The following NPAS4 variants were observed in gnomAD, a reference collection of about 807,000 sequenced individuals.
The protein encoded by NPAS4 is neuronal PAS domain-containing protein 4.
NPAS4 carries 10 observed loss-of-function variants against 64.0 expected under a neutral mutation model. The observed-to-expected ratio is 0.16, with a 90% CI of 0.10 to 0.26. The LOEUF is 0.26. NPAS4 is among the 10% of genes least tolerant of loss of function. NPAS4 has a pLI of 1.00. For synonymous variants in NPAS4, 441 were observed against 411.7 expected, an observed-to-expected ratio of 1.07 and a Z score of -0.86; for missense variants, 886 against 992.6, an observed-to-expected ratio of 0.89 and a Z score of 1.44.
upstream of NPAS4, among the ~76,000 whole-genome samples, chr11:66,420,610 T>C (rs949538475): frequency 2.6e-5 from 4 of 152,214 alleles, no homozygotes; most frequent in African/African-American, 9.7e-5. Flanking sequence ...CCCCATTCCC[T>C]CAACTCCTCA....
rs1222029595 is a variant in NPAS4 at position 66,421,274 on chromosome 11, C to T, written c.95C>T (p.Ala32Val). ...NLKELLPLAE[A>V]DKVRLSYLHI... Reference sequence around the variant, plus strand: ...AAGGAGCTGCTGCCGCTGGCCGAAGCGGACAAGGTCCGGCTGTCCTACCTG... The same window carrying T: ...AAGGAGCTGCTGCCGCTGGCCGAAGTGGACAAGGTCCGGCTGTCCTACCTG... The change falls in exon 1 of 8, where the codon GCG becomes GTG. Residue 32 changes from alanine to valine, a missense_variant. Ala to Val is a moderately conservative substitution (Grantham distance 64). Around this residue, in one of 3 missense-constraint regions of NPAS4, gnomAD observed 38 missense variants for 80.1 expected, o/e 0.47. Coordinates refer to ENST00000311034, the MANE Select transcript of NPAS4 (RefSeq NM_178864.4). 1 of 1,614,086 alleles carries T rather than the reference C, an allele frequency of 6.2e-7. No homozygotes were observed. Among genetic ancestry groups the T allele is most frequent in the Admixed American group, 1.7e-5 (1 of 60,030 alleles).
At chr11:66,420,591 C>T (rs1856726149), upstream of NPAS4, among the ~76,000 whole-genome samples, 1 of 152,220 alleles carries the variant, frequency 6.6e-6, no homozygotes, top group Non-Finnish European at 1.5e-5. Flanking sequence ...TGTAGACAAC[C>T]CTGTTCTTCC....
the NPAS4 span, among the ~76,000 whole-genome samples, chr11:66,414,606 T>C: frequency 6.6e-6 from 1 of 152,164 alleles, no homozygotes; most frequent in Non-Finnish European, 1.5e-5. Context: ...ATAGATAAAA[T>C]GTTCTGAATG....
the NPAS4 span, among the ~76,000 whole-genome samples, chr11:66,414,999 C>T: frequency 2.0e-5 from 3 of 152,180 alleles, no homozygotes; most frequent in Non-Finnish European, 2.9e-5. Context: ...CTGGAGGCTT[C>T]GGGAGGCCCA....
upstream of NPAS4, among the ~76,000 whole-genome samples, chr11:66,419,679 A>C (rs1856708672): frequency 6.6e-6 from 1 of 150,764 alleles, no homozygotes; most frequent in South Asian, 2.1e-4. Context: ...TGGTGAAAAG[A>C]GAAAAAAAGC....
chr11:66,423,273 G>T, intron 5 of NPAS4, 41 bp downstream of exon 5: 1 of 1,321,780 alleles, frequency 7.6e-7, no homozygotes. Flanking sequence ...AGCAAGCTGG[G>T]AAAGGGCATG....
chr11:66,419,376 C>T (rs1856703890), upstream of NPAS4, among the ~76,000 whole-genome samples: 1 of 152,174 alleles, frequency 6.6e-6, no homozygotes. Context: ...TCCCACTCTA[C>T]CTCTCTTACT....
rs757460549 is a variant in NPAS4 at position 66,424,969 on chromosome 11, G to T, written c.2079G>T (p.Glu693Asp). 3 of 1,614,172 alleles carry T rather than the reference G, an allele frequency of 1.9e-6. No individual in the cohort carries two copies. The highest frequency in any genetic ancestry group is 1.1e-5 in the South Asian group (1 of 91,092). The change falls in exon 7 of 8, where the codon GAG (glutamate) becomes GAT (aspartate). Residue 693 changes from glutamate to aspartate, a missense_variant. By Grantham distance (45) the Glu-to-Asp change is conservative (BLOSUM62 2). This residue lies in a region of NPAS4 where 820 missense variants were observed against 855.5 expected (regional missense o/e 0.96). Transcript: ENST00000311034. ...ACCTGAAACCCTGGAAATGCCAGGAGCTGGACTTCCTGGCTGACCCTGATA... is the reference window on the plus strand; with the variant it reads ...ACCTGAAACCCTGGAAATGCCAGGATCTGGACTTCCTGGCTGACCCTGATA... ...SLDLKPWKCQ[E>D]LDFLADPDNM...
In NPAS4 at chr11:66,424,962, G is replaced by A. The variant is rs537369603; in HGVS notation, c.2072G>A (p.Cys691Tyr). The A allele has an allele frequency of 1.9e-6, 3 of 1,614,036 alleles. No homozygotes were observed. The highest frequency in any genetic ancestry group is 2.7e-5 in the African/African-American group (2 of 74,934). ...VLSLDLKPWK[C>Y]QELDFLADPD... Reference sequence around the variant, plus strand: ...AGCCTGGACCTGAAACCCTGGAAATGCCAGGAGCTGGACTTCCTGGCTGAC... The same window carrying A: ...AGCCTGGACCTGAAACCCTGGAAATACCAGGAGCTGGACTTCCTGGCTGAC... The change falls in exon 7 of 8, where the codon TGC becomes TAC. Residue 691 changes from cysteine (C) to tyrosine (Y), a missense_variant. This residue lies in a region of NPAS4 where 820 missense variants were observed against 855.5 expected (regional missense o/e 0.96). Coordinates refer to ENST00000311034, the MANE Select transcript of NPAS4 (RefSeq NM_178864.4).
Position 66,422,814 on chromosome 11 carries a change from T to C in NPAS4, c.571T>C (p.Phe191Leu), listed in dbSNP as rs2134643350. 6.2e-7 allele frequency: 1 copy of C among 1,614,168 alleles called. No homozygotes were observed. The highest frequency in any genetic ancestry group is 2.2e-5 in the East Asian group (1 of 44,868). ...GGCAGGAAATCCCGTGTTCACAGCT[T>C]TCTGTGCCCCTCTGGAGCCGAGACC... is the stretch of plus-strand genomic sequence containing the variant. Reference protein sequence around the residue: ...YWAGNPVFTAFCAPLEPRPRP... With the variant: ...YWAGNPVFTALCAPLEPRPRP... Residue 191 changes from phenylalanine (F) to leucine (L), a missense_variant, in exon 4 of 8, where the codon TTC becomes CTC. Phe to Leu is a conservative substitution (Grantham distance 22). Coordinates refer to ENST00000311034, the MANE Select transcript of NPAS4 (RefSeq NM_178864.4).
chr11:66,423,262 T>A (rs200228066), intron 5 of NPAS4, 30 bp downstream of exon 5: 306 of 1,440,700 alleles, frequency 2.1e-4, no homozygotes, highest in Non-Finnish European at 2.7e-4. Context: ...GGGGACAAGA[T>A]AGCAAGCTGG....
At chr11:66,419,667 T>G (rs1358096622), upstream of NPAS4, among the ~76,000 whole-genome samples, 19 of 144,526 alleles carry the variant, frequency 1.3e-4, no homozygotes, top group African/African-American at 4.7e-4. Flanking sequence ...AGCAATCATC[T>G]GTGGTGAAAA....
chr11:66,424,714 C>T lies in NPAS4; in HGVS notation c.1824C>T (p.Gly608=), dbSNP rs970856277. Residue 608 remains glycine, a synonymous_variant, in exon 7 of 8, where the codon GGC becomes GGT. Transcript: ENST00000311034. ...LSVDVPLVPE[G]LLTPEASPVK... is the part of the protein sequence containing the mutation. ...TGGATGTCCCCCTGGTGCCCGAAGG[C>T]CTGCTCACACCTGAGGCCTCTCCAG... The T allele has an allele frequency of 1.2e-6, 2 of 1,613,056 alleles. No individual in the cohort carries two copies. Among genetic ancestry groups the T allele is most frequent in the East Asian group, 2.2e-5 (1 of 44,884 alleles).
At chr11:66,419,052 C>G (rs149641046), upstream of NPAS4, among the ~76,000 whole-genome samples, 27 of 152,042 alleles carry the variant, frequency 1.8e-4, no homozygotes, top group East Asian at 4.6e-3. Flanking sequence ...GAATTTCATA[C>G]GGAAGGGGAT....
chr11:66,424,574 T>C lies in NPAS4; in HGVS notation c.1684T>C (p.Phe562Leu). The C allele has an allele frequency of 6.2e-7, 1 of 1,614,144 alleles. No individual in the cohort carries two copies. Among genetic ancestry groups the C allele is most frequent in the Admixed American group, 1.7e-5 (1 of 60,010 alleles). The change falls in exon 7 of 8, where the codon TTT becomes CTT. Residue 562 changes from phenylalanine (F) to leucine (L), a missense_variant. By Grantham distance (22) the Phe-to-Leu change is conservative. This residue lies in a region of NPAS4 where 820 missense variants were observed against 855.5 expected (regional missense o/e 0.96). Coordinates refer to ENST00000311034, the MANE Select transcript of NPAS4 (RefSeq NM_178864.4). ...GAGCCCCAACCCTACCAAGACTTAC[T>C]TTGCCCAGGAGGGATGCAGTTTTCT... The part of the protein sequence containing the change: ...QLSPNPTKTY[F>L]AQEGCSFLYE...
chr11:66,420,984 G>GC, upstream of NPAS4: 3 of 543,072 alleles, frequency 5.5e-6, no homozygotes, highest in Non-Finnish European at 6.5e-6. Flanking sequence ...TCTAAAACGA[G>GC]CCCCCCACGC....
At chr11:66,413,111 T>A in the NPAS4 span, among the ~76,000 whole-genome samples, 8 of 152,180 alleles carry the variant, frequency 5.3e-5, no homozygotes, top group South Asian at 1.7e-3. Context: ...AAATAAAGGA[T>A]TAAATCGCTA....
At position 66,424,812 on chromosome 11, in the gene NPAS4, A is replaced by T; in HGVS notation, c.1922A>T (p.Gln641Leu). ...GACCGTCTCATCCAGCAGATTAGCC[A>T]ATTGGCTCAGGGCATGGACAGACCC... ...EIDRLIQQISQLAQGMDRPFS... is the reference protein window; with the variant it reads ...EIDRLIQQISLLAQGMDRPFS... Residue 641 changes from glutamine to leucine, a missense_variant, in exon 7 of 8, where the codon CAA (glutamine) becomes CTA (leucine). Around this residue, in one of 3 missense-constraint regions of NPAS4, gnomAD observed 820 missense variants for 855.5 expected, o/e 0.96. Coordinates refer to ENST00000311034, the MANE Select transcript of NPAS4 (RefSeq NM_178864.4). 6.2e-7 allele frequency: 1 copy of T among 1,613,996 alleles called. No individual in the cohort carries two copies. The highest frequency in any genetic ancestry group is 8.5e-7 in the Non-Finnish European group (1 of 1,180,002).
the NPAS4 span, among the ~76,000 whole-genome samples, chr11:66,415,359 G>T: frequency 6.6e-5 from 10 of 152,190 alleles, no homozygotes; most frequent in African/African-American, 2.4e-4. Context: ...TGATAGCTTG[G>T]TATACCCTGG....
Sources: gnomAD v4.1 joint callset for allele counts (sites outside exome capture counted in the v4.1 genomes callset) on GRCh38, gnomAD v4.1.1 for gene constraint, gnomAD v4.1.1 regional missense constraint, MANE v1.5 for transcripts, NCBI Gene and HGNC (gene_info 2026-07-23, HGNC 2026-07-21) for gene names.